ITPRID1: variants seen among roughly 807,000 people sequenced by gnomAD.
ITPRID1 encodes the protein ITPR interacting domain containing 1, also known as protein ITPRID1.
ITPRID1 carries 96 observed loss-of-function variants against 95.4 expected under a neutral mutation model. The observed-to-expected ratio is 1.01, with a 90% CI of 0.85 to 1.19. ITPRID1 has a LOEUF of 1.19. Ranked by LOEUF, ITPRID1 falls within the 50% of genes most tolerant of loss-of-function variation. ITPRID1 has a pLI of 0.00. For missense variants in ITPRID1, 1,339 were observed against 1,252.9 expected (o/e 1.07, Z -1.04); for synonymous variants, 510 against 453.6 (o/e 1.12, Z -1.58).
intron 10 of ITPRID1, among the ~76,000 whole-genome samples, chr7:31,637,554 C>T (rs1251953201): frequency 2.0e-5 from 3 of 152,162 alleles, no homozygotes; most frequent in Non-Finnish European, 4.4e-5. Context: ...AGTGTCTGTT[C>T]ATATCCTTTA....
intron 12 of ITPRID1, 69 bp downstream of exon 12, chr7:31,644,022 C>A: frequency 1.4e-6 from 2 of 1,416,196 alleles, no homozygotes; most frequent in South Asian, 1.4e-5. Context: ...GGATAATATT[C>A]AGACTTCCTT....
At chr7:31,570,180 C>A (rs1304553776) in intron 6 of ITPRID1, among the ~76,000 whole-genome samples, 1 of 152,132 alleles carries the variant, frequency 6.6e-6, no homozygotes, top group Non-Finnish European at 1.5e-5. Flanking sequence ...TACTGGACAA[C>A]AATATATACA....
chr7:31,530,760 A>G (rs1357852816), intron 1 of ITPRID1, among the ~76,000 whole-genome samples: 2 of 152,166 alleles, frequency 1.3e-5, no homozygotes, highest in African/African-American at 4.8e-5. Context: ...CCTTAAAAAA[A>G]GGAAGCAATA....
At chr7:31,537,985 A>T (rs1329237436) in intron 1 of ITPRID1, among the ~76,000 whole-genome samples, 1 of 152,218 alleles carries the variant, frequency 6.6e-6, no homozygotes, top group Non-Finnish European at 1.5e-5. Context: ...GATGCACAGT[A>T]TTCCATCAGG....
intron 8 of ITPRID1, among the ~76,000 whole-genome samples, chr7:31,576,382 T>G (rs894620033): frequency 6.6e-6 from 1 of 152,230 alleles, no homozygotes; most frequent in Non-Finnish European, 1.5e-5. Context: ...TTCAGACTAT[T>G]GTGTTCTCTG....
At chr7:31,520,336 C>T (rs553130607) in intron 1 of ITPRID1, among the ~76,000 whole-genome samples, 1 of 152,200 alleles carries the variant, frequency 6.6e-6, no homozygotes, top group Non-Finnish European at 1.5e-5. Context: ...TTCCTCTTTC[C>T]ATACTTATTT....
At chr7:31,529,089 A>C (rs1418935582) in intron 1 of ITPRID1, among the ~76,000 whole-genome samples, 3 of 152,174 alleles carry the variant, frequency 2.0e-5, no homozygotes, top group Non-Finnish European at 2.9e-5. Flanking sequence ...TAGATAGTGA[A>C]ATTCTATGGA....
At chr7:31,634,088 T>C (rs1257078057) in intron 10 of ITPRID1, among the ~76,000 whole-genome samples, 1 of 152,168 alleles carries the variant, frequency 6.6e-6, no homozygotes, top group African/African-American at 2.4e-5. Flanking sequence ...ACTCTGTGGT[T>C]GGTGTAATGC....
intron 10 of ITPRID1, among the ~76,000 whole-genome samples, chr7:31,629,618 A>G (rs932842042): frequency 1.3e-5 from 2 of 152,226 alleles, no homozygotes; most frequent in African/African-American, 2.4e-5. Context: ...TTATCTTTCA[A>G]AATACAATGG....
intron 10 of ITPRID1, among the ~76,000 whole-genome samples, chr7:31,598,462 G>C (rs1786191484): frequency 7.2e-6 from 1 of 139,294 alleles, no homozygotes; most frequent in Non-Finnish European, 1.5e-5. Flanking sequence ...GGAGTGCAGT[G>C]GCGCTATCTC....
Position 31,654,327 on chromosome 7 carries a change from C to G in ITPRID1, c.*1498C>G, listed in dbSNP as rs1791185998. Among the ~76,000 whole-genome samples the G allele has an allele frequency of 6.6e-6, 1 of 152,062 alleles. No homozygotes were observed. Among genetic ancestry groups the G allele is most frequent in the Non-Finnish European group, 1.5e-5 (1 of 68,020 alleles). ...AGATGTAGAGATAGCCAGTGCTGCT[C>G]AGTGCGGTGGGGCATGGAGATGGAG... On this transcript the variant is annotated 3_prime_UTR_variant, in exon 15 of 15. Coordinates refer to ENST00000615280, the MANE Select transcript of ITPRID1 (RefSeq NM_001257967.3).
chr7:31,587,152 G>A (rs1037578419), intron 10 of ITPRID1, among the ~76,000 whole-genome samples: 1 of 152,182 alleles, frequency 6.6e-6, no homozygotes, highest in African/African-American at 2.4e-5. Context: ...AATTAGGCAG[G>A]AGAAGGAAAT....
intron 10 of ITPRID1, among the ~76,000 whole-genome samples, chr7:31,625,628 GGGA>G (rs1453755935): frequency 3.3e-5 from 5 of 152,092 alleles, no homozygotes; most frequent in African/African-American, 1.2e-4. Context: ...GTTGTGGGGT[GGGA>G]GGAGGGGGGA....
At chr7:31,524,043 C>A (rs1583457815) in intron 1 of ITPRID1, among the ~76,000 whole-genome samples, 1 of 152,220 alleles carries the variant, frequency 6.6e-6, no homozygotes, top group East Asian at 1.9e-4. Flanking sequence ...GTCAGGAAAT[C>A]CATGGAAGAA....
chr7:31,534,087 T>C (rs1010979273), intron 1 of ITPRID1, among the ~76,000 whole-genome samples: 19 of 152,196 alleles, frequency 1.2e-4, no homozygotes, highest in African/African-American at 4.1e-4. Flanking sequence ...GTGTGCTCCC[T>C]GTGAAACTCT....
chr7:31,597,953 A>G (rs1583551656), intron 10 of ITPRID1, among the ~76,000 whole-genome samples: 1 of 152,222 alleles, frequency 6.6e-6, no homozygotes, highest in Non-Finnish European at 1.5e-5. Context: ...TAAACAGCTC[A>G]GAAGTAGACT....
Position 31,651,278 on chromosome 7 carries a change from C to T in ITPRID1, c.2711+9C>T, listed in dbSNP as rs2128219736. The T allele has an allele frequency of 1.2e-6, 2 of 1,611,542 alleles. No homozygotes were observed. The highest frequency in any genetic ancestry group is 2.2e-5 in the South Asian group (2 of 90,822). On this transcript the variant is annotated intron_variant, in intron 13 of 14. Coordinates refer to ENST00000615280, the MANE Select transcript of ITPRID1 (RefSeq NM_001257967.3). ...ATGTCAGAGGAGGAAAGGTAATTAC[C>T]TAAGGGAGCCATAAAAGTAAGTACC...
chr7:31,534,312 A>T (rs1783692119), intron 1 of ITPRID1, among the ~76,000 whole-genome samples: 1 of 152,234 alleles, frequency 6.6e-6, no homozygotes, highest in Non-Finnish European at 1.5e-5. Flanking sequence ...CCATTAGGAC[A>T]AATCTTTCAT....
At chr7:31,617,623 C>T (rs1428360980) in intron 10 of ITPRID1, among the ~76,000 whole-genome samples, 1 of 141,038 alleles carries the variant, frequency 7.1e-6, no homozygotes, top group African/African-American at 2.7e-5. Context: ...CTTTTACCTT[C>T]TAAATGATTT....
Sources: gnomAD v4.1 joint callset for allele counts (sites outside exome capture counted in the v4.1 genomes callset) on GRCh38, gnomAD v4.1.1 for gene constraint, MANE v1.5 for transcripts, NCBI Gene and HGNC (gene_info 2026-07-23, HGNC 2026-07-21) for gene names.